The following MGST1 variants were observed in gnomAD, a reference collection of about 807,000 sequenced individuals.
The protein encoded by MGST1 is glutathione S-transferase 12.
A neutral mutation model predicts 8.9 loss-of-function variants in MGST1; 5 were observed. That is an observed-to-expected ratio of 0.56 (90% CI 0.29 to 1.19). MGST1 has a LOEUF of 1.19. Among genes scored for constraint, MGST1 ranks in the 50% most tolerant of loss-of-function variants. MGST1 has a pLI of 0.08. For missense variants in MGST1, 182 were observed against 187.4 expected (o/e 0.97, Z 0.17); for synonymous variants, 54 against 67.8 (o/e 0.80, Z 1.00).
intron 4 of MGST1, among the ~76,000 whole-genome samples, chr12:16,520,339 C>T (rs1476110762): frequency 1.3e-5 from 2 of 152,104 alleles, no homozygotes; most frequent in Non-Finnish European, 2.9e-5. Flanking sequence ...AAGAGACAGA[C>T]TATTCTATCA....
intron 1 of MGST1, among the ~76,000 whole-genome samples, chr12:16,414,362 T>C (rs1352187092): frequency 4.5e-4 from 67 of 149,786 alleles, no homozygotes; most frequent in African/African-American, 1.6e-3. Flanking sequence ...GATTTCTTTT[T>C]TTTTTTTTTT....
At chr12:16,393,564 A>G (rs957389560) in intron 1 of MGST1, among the ~76,000 whole-genome samples, 3 of 152,228 alleles carry the variant, frequency 2.0e-5, no homozygotes, top group East Asian at 3.9e-4. Flanking sequence ...AGGCCTAGAG[A>G]AACAGCAGGT....
chr12:16,399,436 T>C (rs780743382), intron 1 of MGST1: 9 of 1,539,804 alleles, frequency 5.8e-6, no homozygotes, highest in African/African-American at 4.1e-5. Flanking sequence ...TGGTCCGCTT[T>C]TCGGGCTTCT....
chr12:16,485,481 C>T (rs1775503475), intron 4 of MGST1, among the ~76,000 whole-genome samples: 1 of 152,138 alleles, frequency 6.6e-6, no homozygotes, highest in Non-Finnish European at 1.5e-5. Flanking sequence ...GGGATGTGAA[C>T]TATGTTTTAA....
In MGST1 at chr12:16,555,590, T is replaced by G. The variant is rs1942162503; in HGVS notation, n.483-33938T>G. ...GTATTTTAGATGACTAATTTAAATT[T>G]GTATTCATTTTGACTTTTATTTAAT... On this transcript the variant is annotated intron_variant and non_coding_transcript_variant, in intron 4 of 4. Transcript: ENST00000538857. This position sits in a 1 kb window ranked among gnomAD's most constrained non-coding sequence, Gnocchi z 5.5. Among the ~76,000 whole-genome samples, 1 of 152,240 alleles carries G rather than the reference T, an allele frequency of 6.6e-6. No homozygotes were observed. The highest frequency in any genetic ancestry group is 2.4e-5 in the African/African-American group (1 of 41,460).
At chr12:16,468,400 T>G (rs1330189216) in intron 4 of MGST1, among the ~76,000 whole-genome samples, 8 of 152,184 alleles carry the variant, frequency 5.3e-5, no homozygotes, top group Admixed American at 5.2e-4. Context: ...CGGGTCTCGT[T>G]GTTGGATGAA....
At chr12:16,502,692 A>G (rs1315827446) in intron 4 of MGST1, among the ~76,000 whole-genome samples, 2 of 152,228 alleles carry the variant, frequency 1.3e-5, no homozygotes, top group African/African-American at 4.8e-5. Context: ...AAATGGTTAG[A>G]AAACAAACTG....
chr12:16,359,616 A>G (rs1038495677), intron 3 of MGST1, among the ~76,000 whole-genome samples: 2 of 152,234 alleles, frequency 1.3e-5, no homozygotes, highest in African/African-American at 4.8e-5. Context: ...AAAAAAATAA[A>G]AAAAAGTGAG....
At chr12:16,415,558 T>C (rs969082721) in intron 1 of MGST1, among the ~76,000 whole-genome samples, 3 of 152,236 alleles carry the variant, frequency 2.0e-5, no homozygotes, top group East Asian at 1.9e-4. Context: ...ACTTAATAGA[T>C]AGGAAATATA....
At chr12:16,551,857 C>A (rs1302009587) in intron 4 of MGST1, among the ~76,000 whole-genome samples, 2 of 151,978 alleles carry the variant, frequency 1.3e-5, no homozygotes, top group Non-Finnish European at 1.5e-5. Context: ...TGTTAGTAAT[C>A]TAGAAGTGAT....
chr12:16,485,731 A>G (rs1034470671), intron 4 of MGST1, among the ~76,000 whole-genome samples: 2 of 152,226 alleles, frequency 1.3e-5, no homozygotes, highest in African/African-American at 4.8e-5. Flanking sequence ...AAGATAAAAC[A>G]CAAAATGCAT....
At chr12:16,501,392 G>T (rs528776254) in intron 4 of MGST1, among the ~76,000 whole-genome samples, 2 of 152,140 alleles carry the variant, frequency 1.3e-5, no homozygotes, top group Non-Finnish European at 2.9e-5. Flanking sequence ...ACATAAAACC[G>T]CACACACAGT....
chr12:16,438,002 G>A (rs1941003596), exon 2 of MGST1: 1 of 151,894 alleles, frequency 6.6e-6, no homozygotes, highest in Non-Finnish European at 1.5e-5. Context: ...CTGTGGGACA[G>A]TAAATTTTTT....
At chr12:16,417,443 T>C (rs1940797452) in intron 1 of MGST1, among the ~76,000 whole-genome samples, 1 of 152,076 alleles carries the variant, frequency 6.6e-6, no homozygotes, top group African/African-American at 2.4e-5. Context: ...CAAAATGAGA[T>C]TTTGGTGGGG....
At chr12:16,454,669 A>G (rs1941156125) in intron 4 of MGST1, among the ~76,000 whole-genome samples, 2 of 151,844 alleles carry the variant, frequency 1.3e-5, no homozygotes, top group South Asian at 4.1e-4. Flanking sequence ...ACGTCACAGA[A>G]TAACCTGTAG....
Position 16,568,664 on chromosome 12 carries a change from C to T in MGST1, n.483-20864C>T, listed in dbSNP as rs115806792. 4.6e-3 allele frequency among the ~76,000 whole-genome samples: 700 copies of T among 152,302 alleles called. 7 individuals carry two copies. Among genetic ancestry groups the T allele is most frequent in the African/African-American group, 0.016 (666 of 41,564 alleles). On this transcript the variant is annotated intron_variant and non_coding_transcript_variant, in intron 4 of 4. Coordinates refer to the MGST1 transcript ENST00000538857. ...ACATTGAGATGGTAATCTTTGGATA[C>T]ATTGCATTAAATACGTTGTTTAAAA...
At chr12:16,468,566 T>C (rs946684137) in intron 4 of MGST1, among the ~76,000 whole-genome samples, 5 of 152,212 alleles carry the variant, frequency 3.3e-5, no homozygotes, top group South Asian at 4.1e-4. Context: ...AATATCATCA[T>C]TGGAGGTCTT....
At chr12:16,437,474 C>A (rs1940996935) in exon 2 of MGST1, 2 of 151,940 alleles carry the variant, frequency 1.3e-5, no homozygotes, top group Admixed American at 1.3e-4. Flanking sequence ...CAGAATAAAC[C>A]TCAACATTCT....
chr12:16,355,111 CT>C (rs1361997798), intron 2 of MGST1, among the ~76,000 whole-genome samples: 1 of 151,750 alleles, frequency 6.6e-6, no homozygotes, highest in Non-Finnish European at 1.5e-5. Context: ...TGGAGACCAT[CT>C]GTTTCTCTCT....
Sources: allele counts gnomAD v4.1 joint callset (sites outside exome capture counted in the v4.1 genomes callset), GRCh38; gene constraint gnomAD v4.1.1; non-coding constraint Gnocchi (gnomAD v3.1); transcripts MANE v1.5; gene names NCBI Gene and HGNC (gene_info 2026-07-23, HGNC 2026-07-21).